PHF2: variants seen among roughly 807,000 people sequenced by gnomAD.
PHF2 encodes the protein lysine-specific demethylase PHF2.
Under a neutral mutation model 120.5 loss-of-function variants are expected in PHF2, and 27 were observed. The ratio of observed to expected loss-of-function variants is 0.22; its 90% CI spans 0.17 to 0.31. PHF2 has a LOEUF of 0.31. PHF2 is among the 10% of genes least tolerant of loss of function. PHF2 has a pLI of 1.00. For synonymous variants in PHF2, 568 were observed against 592.5 expected (o/e 0.96, Z 0.60); for missense variants, 1,024 against 1,434.8 (o/e 0.71, Z 4.63).
chr9:93,615,309 A>G (rs578138201), intron 1 of PHF2, among the ~76,000 whole-genome samples: 1 of 149,696 alleles, frequency 6.7e-6, no homozygotes, highest in South Asian at 2.2e-4. Flanking sequence ...ATGATGTGTG[A>G]TAGTGATAGT....
intron 1 of PHF2, among the ~76,000 whole-genome samples, chr9:93,607,439 A>ATTTT (rs36083667): frequency 9.9e-6 from 1 of 100,548 alleles, no homozygotes; most frequent in Non-Finnish European, 1.9e-5. Flanking sequence ...TGCCTGGCTA[A>ATTTT]TTTTTTTTTT....
rs1357307150 is a variant in PHF2 at position 93,587,462 on chromosome 9, GGATGGAGGAGCCCCGGGTGAGGGAT to G, written c.98+10627_98+10651del. ...GGATGACGGAGGATCCCTGGATGAG[GGATGGAGGAGCCCCGGGTGAGGGAT>G]GATGGAGGAGCCCCGGGTGAGGGAT... On this transcript the variant is annotated intron_variant, in intron 1 of 21. Transcript: ENST00000359246. 6.5e-4 allele frequency among the ~76,000 whole-genome samples: 96 copies of G among 147,884 alleles called. No homozygotes were observed. In the East Asian group the frequency reaches 0.01, roughly 16 times the overall value.
intron 1 of PHF2, among the ~76,000 whole-genome samples, chr9:93,597,365 AG>A (rs918010562): frequency 2.0e-5 from 3 of 152,168 alleles, no homozygotes; most frequent in African/African-American, 7.2e-5. Context: ...AGCTCTGAGA[AG>A]TGGGAGGCTG....
intron 4 of PHF2, among the ~76,000 whole-genome samples, chr9:93,646,912 G>T (rs573562257): frequency 5.3e-5 from 8 of 152,336 alleles, no homozygotes; most frequent in African/African-American, 1.7e-4. Flanking sequence ...GGCTGATTCT[G>T]TGGGGTTCTT....
intron 1 of PHF2, among the ~76,000 whole-genome samples, chr9:93,592,604 A>T (rs1287664076): frequency 1.3e-5 from 2 of 152,224 alleles, no homozygotes; most frequent in East Asian, 3.9e-4. Flanking sequence ...CAGTGTTCAG[A>T]GGCTCTTTCC....
chr9:93,602,768 A>G (rs1386808115), intron 1 of PHF2, among the ~76,000 whole-genome samples: 1 of 152,178 alleles, frequency 6.6e-6, no homozygotes, highest in Non-Finnish European at 1.5e-5. Flanking sequence ...GCAGATTGCC[A>G]GGAGTAAGGT....
intron 1 of PHF2, among the ~76,000 whole-genome samples, chr9:93,596,211 C>T (rs944706336): frequency 1.3e-5 from 2 of 152,072 alleles, no homozygotes; most frequent in African/African-American, 4.8e-5. Flanking sequence ...GAGGAGGTTT[C>T]CCTGTTTCTA....
intron 1 of PHF2, among the ~76,000 whole-genome samples, chr9:93,600,681 C>A (rs987237099): frequency 1.3e-5 from 2 of 152,214 alleles, no homozygotes; most frequent in Non-Finnish European, 2.9e-5. Context: ...TAAATGGTAA[C>A]ACAGGCTCCA....
Position 93,663,655 on chromosome 9 carries a change from G to A in PHF2, c.1937+20G>A. On this transcript the variant is annotated intron_variant, in intron 14 of 21. Coordinates refer to ENST00000359246, the MANE Select transcript of PHF2 (RefSeq NM_005392.4). ...CCTCGGGTATGTGAGTGCCTGGATG[G>A]GAGGGGTGACCTCGCGCATAACCGA... The A allele has an allele frequency of 6.7e-7, 1 of 1,483,676 alleles. No homozygotes were observed. Among genetic ancestry groups the A allele is most frequent in the Non-Finnish European group, 9.4e-7 (1 of 1,066,142 alleles). The allele number at this position is 1,483,676 out of a possible 1,614,324, so 91.9% of individuals were successfully genotyped here. A position where few individuals can be genotyped will look rare whatever the true frequency, so the allele number is the denominator to read the frequency against.
At chr9:93,592,738 G>A (rs958682133) in intron 1 of PHF2, among the ~76,000 whole-genome samples, 1 of 152,278 alleles carries the variant, frequency 6.6e-6, no homozygotes. Context: ...TTGTGTCCCT[G>A]TTTTATAGAT....
chr9:93,662,222 AATGG>A (rs1158732097), intron 12 of PHF2, among the ~76,000 whole-genome samples: 3 of 151,570 alleles, frequency 2.0e-5, no homozygotes, highest in Admixed American at 6.6e-5. Context: ...TAGATGAACA[AATGG>A]ATGGGTGGAT....
chr9:93,586,348 A>G (rs1252080097), intron 1 of PHF2, among the ~76,000 whole-genome samples: 1 of 152,254 alleles, frequency 6.6e-6, no homozygotes, highest in Non-Finnish European at 1.5e-5. Context: ...CACATAGCAG[A>G]GGTGTGCAGA....
chr9:93,663,767 TCACACACACCACACACTGCATCA>T (rs1826624316), intron 14 of PHF2, 132 bp downstream of exon 14: 2 of 573,000 alleles, frequency 3.5e-6, no homozygotes, highest in Non-Finnish European at 6.4e-6. Flanking sequence ...ACTCTGCATC[TCACACACACCACACACTGCATCA>T]CACACAACCA....
chr9:93,647,101 T>C (rs933877615), intron 4 of PHF2, among the ~76,000 whole-genome samples: 17 of 152,308 alleles, frequency 1.1e-4, no homozygotes, highest in African/African-American at 4.1e-4. Context: ...ACAATGCTGG[T>C]CAGGCAGCCT....
intron 1 of PHF2, among the ~76,000 whole-genome samples, chr9:93,622,337 G>A (rs1394754815): frequency 2.0e-5 from 3 of 152,196 alleles, no homozygotes; most frequent in Non-Finnish European, 2.9e-5. Context: ...AACAGCCCCC[G>A]CTGTCACCCA....
Position 93,679,300 on chromosome 9 carries a change from C to T in PHF2, c.*1624C>T, listed in dbSNP as rs1238253575. ...AGACTGGGTGGGAGAGGGGGAGTCTCACGGGGCCCCAGGCTTATTCAGAAC... is the reference window on the plus strand; with the variant it reads ...AGACTGGGTGGGAGAGGGGGAGTCTTACGGGGCCCCAGGCTTATTCAGAAC... On this transcript the variant is annotated 3_prime_UTR_variant, in exon 22 of 22. Coordinates refer to ENST00000359246, the MANE Select transcript of PHF2 (RefSeq NM_005392.4). 2 of 455,150 alleles carry T rather than the reference C, an allele frequency of 4.4e-6. No individual in the cohort carries two copies. The highest frequency in any genetic ancestry group is 1.6e-5 in the South Asian group (1 of 64,294). The allele number at this position is 455,150 out of a possible 1,614,324, so 28.2% of individuals were successfully genotyped here.
intron 5 of PHF2, among the ~76,000 whole-genome samples, chr9:93,649,898 A>G (rs1826334400): frequency 1.3e-5 from 2 of 151,964 alleles, no homozygotes; most frequent in Admixed American, 6.6e-5. Context: ...GTGACACAAC[A>G]CACCAACACT....
chr9:93,587,861 C>T (rs1007177041), intron 1 of PHF2, among the ~76,000 whole-genome samples: 4 of 152,170 alleles, frequency 2.6e-5, no homozygotes, highest in South Asian at 2.1e-4. Flanking sequence ...ATTGGCCTCA[C>T]TGACCGTCCG....
chr9:93,630,739 G>A (rs1825987846), intron 2 of PHF2, among the ~76,000 whole-genome samples: 1 of 152,228 alleles, frequency 6.6e-6, no homozygotes, highest in Non-Finnish European at 1.5e-5. Context: ...CCTGGTTGCA[G>A]AGGGGGAGCT....
Sources: allele counts gnomAD v4.1 joint callset (sites outside exome capture counted in the v4.1 genomes callset), GRCh38; gene constraint gnomAD v4.1.1; transcripts MANE v1.5; gene names NCBI Gene and HGNC (gene_info 2026-07-23, HGNC 2026-07-21).